The following GRIK5 variants were observed in gnomAD, a reference collection of about 807,000 sequenced individuals.
The protein encoded by GRIK5 is glutamate receptor ionotropic, kainate 5.
Under a neutral mutation model 97.4 loss-of-function variants are expected in GRIK5, and 43 were observed. The observed-to-expected ratio is 0.44, with a 90% CI of 0.35 to 0.57. The LOEUF (loss-of-function observed/expected upper bound fraction) is 0.57, where lower values mean the gene tolerates loss of function less well. Among genes scored for constraint, GRIK5 ranks in the 20% least tolerant of loss-of-function variants. The pLI, the probability that GRIK5 is intolerant of heterozygous loss-of-function variation, is 0.01. For missense variants in GRIK5, 1,015 were observed against 1,382.0 expected, an observed-to-expected ratio of 0.73 and a Z score of 4.21; for synonymous variants, 580 against 583.5, an observed-to-expected ratio of 0.99 and a Z score of 0.09.
intron 12 of GRIK5, among the ~76,000 whole-genome samples, chr19:42,029,484 T>C (rs2075815192): frequency 6.6e-6 from 1 of 151,912 alleles, no homozygotes; most frequent in South Asian, 2.1e-4. Context: ...GGCAGGCGCC[T>C]GTGTAATCCC....
chr19:42,060,412 T>C (rs892905249), intron 5 of GRIK5, among the ~76,000 whole-genome samples: 1 of 151,990 alleles, frequency 6.6e-6, no homozygotes, highest in Non-Finnish European at 1.5e-5. Flanking sequence ...AGTTCTATGT[T>C]AAAGCAGAAA....
At chr19:42,023,449 T>A (rs2075728032) in intron 12 of GRIK5, among the ~76,000 whole-genome samples, 1 of 152,170 alleles carries the variant, frequency 6.6e-6, no homozygotes, top group Non-Finnish European at 1.5e-5. Flanking sequence ...ACAGCTAATA[T>A]AGGACTCCAA....
chr19:42,046,647 G>A (rs1032588436), intron 11 of GRIK5, among the ~76,000 whole-genome samples: 4 of 152,056 alleles, frequency 2.6e-5, no homozygotes, highest in African/African-American at 4.8e-5. Flanking sequence ...AGGTCTACAA[G>A]ATATATTAGG....
chr19:42,023,893 T>G (rs1372524918), intron 12 of GRIK5, among the ~76,000 whole-genome samples: 9 of 152,220 alleles, frequency 5.9e-5, no homozygotes, highest in Non-Finnish European at 1.2e-4. Flanking sequence ...GTCTCCTGTT[T>G]AAAACCTGCC....
chr19:42,054,832 T>C (rs1401533884), intron 8 of GRIK5, among the ~76,000 whole-genome samples: 2 of 152,144 alleles, frequency 1.3e-5, no homozygotes, highest in Non-Finnish European at 2.9e-5. Flanking sequence ...CCCGTCTGAG[T>C]GTGTCTGGGG....
chr19:42,054,552 C>T, intron 8 of GRIK5, 80 bp from the exon 9 acceptor site: 2 of 1,472,524 alleles, frequency 1.4e-6, no homozygotes. Flanking sequence ...TGAGCTGCCA[C>T]CCTCAAACCC....
intron 3 of GRIK5, among the ~76,000 whole-genome samples, chr19:42,064,606 C>T (rs956622554): frequency 6.6e-6 from 1 of 152,194 alleles, no homozygotes; most frequent in Non-Finnish European, 1.5e-5. Flanking sequence ...CCCATTCTTC[C>T]TCTTACTGAT....
In GRIK5 at chr19:42,006,620, G is replaced by A. The variant is rs782303555; in HGVS notation, c.2037+25C>T. 9 of 1,607,426 alleles carry A rather than the reference G, an allele frequency of 5.6e-6. No individual in the cohort carries two copies. Among genetic ancestry groups the A allele is most frequent in the Non-Finnish European group, 6.8e-6 (8 of 1,174,762 alleles). On this transcript the variant is annotated intron_variant, in intron 16 of 19. Transcript: ENST00000593562. The surrounding 1 kb of genome is among the most constrained non-coding windows in gnomAD (Gnocchi z 5.3). ...TGCATGGCAGGGATCCCAACACCAC[G>A]CCTGAGAGGTTCTGGTGGCCCCACC...
intron 8 of GRIK5, 149 bp downstream of exon 8, chr19:42,056,513 A>C: frequency 1.6e-6 from 1 of 644,132 alleles, no homozygotes; most frequent in Non-Finnish European, 2.7e-6. Flanking sequence ...AGAGAGGAGG[A>C]CATGGGTCCA....
intron 3 of GRIK5, among the ~76,000 whole-genome samples, chr19:42,063,896 C>T (rs891948437): frequency 1.3e-5 from 2 of 152,162 alleles, no homozygotes; most frequent in African/African-American, 2.4e-5. Flanking sequence ...TTGGTTTCTG[C>T]CACCTCTAAC....
Position 42,013,872 on chromosome 19 carries a change from A to T in GRIK5, c.1872-7062T>A, listed in dbSNP as rs1488684634. On this transcript the variant is annotated intron_variant, in intron 15 of 19. Coordinates refer to ENST00000593562, the MANE Select transcript of GRIK5 (RefSeq NM_002088.5). The stretch of plus-strand genomic sequence containing the variant: ...GTGAGACTTCGTCTCTACCAAAAAT[A>T]AAAAAATTTAGCCGGGTGTGGCGTC... Among the ~76,000 whole-genome samples the T allele has an allele frequency of 1.6e-4, 24 of 150,014 alleles. 1 individual carries two copies. Among genetic ancestry groups the T allele is most frequent in the Admixed American group, 1.6e-3 (24 of 15,058 alleles).
chr19:42,022,548 T>G lies in GRIK5; in HGVS notation c.1474-194A>C. The G allele has an allele frequency of 2.0e-6, 2 of 985,138 alleles. No homozygotes were observed. Among genetic ancestry groups the G allele is most frequent in the South Asian group, 9.4e-5 (2 of 21,274 alleles). 61.0% of individuals were successfully genotyped at this position (985,138 alleles called of 1,614,324 possible). ...CCTGAAATCGGACCCTCATCGCATG[T>G]CCATCCTCATCATCTCACGTCTCCA... is the stretch of plus-strand genomic sequence containing the variant. On this transcript the variant is annotated intron_variant, in intron 12 of 19. Transcript: ENST00000593562. This position sits in a 1 kb window ranked among gnomAD's most constrained non-coding sequence, Gnocchi z 4.2.
At chr19:42,064,642 G>A (rs917572018) in intron 3 of GRIK5, among the ~76,000 whole-genome samples, 1 of 152,100 alleles carries the variant, frequency 6.6e-6, no homozygotes, top group African/African-American at 2.4e-5. Context: ...ACACCATAAA[G>A]CCTCTGATAA....
chr19:42,007,813 T>C (rs1441050639), intron 15 of GRIK5, among the ~76,000 whole-genome samples: 10 of 152,056 alleles, frequency 6.6e-5, no homozygotes, highest in Admixed American at 5.9e-4. Context: ...TTTCATTGAA[T>C]ACATGAGACA....
At position 42,021,919 on chromosome 19, in the gene GRIK5, C is replaced by T. The variant is rs1180118095; in HGVS notation, c.1697+28G>A. 1 of 1,513,860 alleles carries T rather than the reference C, an allele frequency of 6.6e-7. No individual in the cohort carries two copies. Among genetic ancestry groups the T allele is most frequent in the Non-Finnish European group, 9.1e-7 (1 of 1,095,864 alleles). The allele number at this position is 1,513,860 out of a possible 1,614,324, so 93.8% of individuals were successfully genotyped here. On this transcript the variant is annotated intron_variant, in intron 14 of 19. Coordinates refer to ENST00000593562, the MANE Select transcript of GRIK5 (RefSeq NM_002088.5). The surrounding 1 kb of genome is among the most constrained non-coding windows in gnomAD (Gnocchi z 4.2). ...CCTCGGCTCGTGCCTCCTCCAGCCC[C>T]TTCCTTCCCAGTAGGCAGTGGACTC...
rs1470786383 is a variant in GRIK5, at chr19:42,065,436, G to C, written c.80-49C>G. ...ACCAGACTCCTGAGTCCTGAGGAAG[G>C]AGGGGGCTGTGGTCTTAGACTCCAG... On this transcript the variant is annotated intron_variant, in intron 2 of 19. Transcript: ENST00000593562. This position sits in a 1 kb window ranked among gnomAD's most constrained non-coding sequence, Gnocchi z 5.8. 1.0e-5 allele frequency: 16 copies of C among 1,529,964 alleles called. No individual in the cohort carries two copies. The highest frequency in any genetic ancestry group is 1.3e-5 in the Non-Finnish European group (15 of 1,135,104). 94.8% of individuals were successfully genotyped at this position (1,529,964 alleles called of 1,614,324 possible).
Position 42,065,611 on chromosome 19 carries a change from C to T in GRIK5, c.79+81G>A, listed in dbSNP as rs1294571131. ...CTGCTGAAGAGAGCTGAGACCTGGA[C>T]CCTGACGGACTGGCATGCCTGGGTC... On this transcript the variant is annotated intron_variant, in intron 2 of 19. Coordinates refer to ENST00000593562, the MANE Select transcript of GRIK5 (RefSeq NM_002088.5). The surrounding 1 kb of genome is among the most constrained non-coding windows in gnomAD (Gnocchi z 5.8). 4 of 1,236,410 alleles carry T rather than the reference C, an allele frequency of 3.2e-6. No homozygotes were observed. Among genetic ancestry groups the T allele is most frequent in the Non-Finnish European group, 3.4e-6 (3 of 870,488 alleles). The allele number at this position is 1,236,410 out of a possible 1,614,324, so 76.6% of individuals were successfully genotyped here.
At chr19:42,063,802 A>T (rs1044891150) in intron 3 of GRIK5, among the ~76,000 whole-genome samples, 14 of 152,172 alleles carry the variant, frequency 9.2e-5, no homozygotes, top group East Asian at 5.8e-4. Context: ...GAACACCTGG[A>T]TTCAGCCATG....
At chr19:42,061,678 C>G (rs914396475) in intron 5 of GRIK5, among the ~76,000 whole-genome samples, 4 of 152,296 alleles carry the variant, frequency 2.6e-5, no homozygotes, top group African/African-American at 9.6e-5. Context: ...CTAGCCCCAC[C>G]CTCTTCTTTC....
Sources: allele counts gnomAD v4.1 joint callset (sites outside exome capture counted in the v4.1 genomes callset), GRCh38; gene constraint gnomAD v4.1.1; non-coding constraint Gnocchi (gnomAD v3.1); transcripts MANE v1.5; gene names NCBI Gene and HGNC (gene_info 2026-07-23, HGNC 2026-07-21).